Variants in ZDHHC15 observed in about 807,000 individuals in gnomAD.
ZDHHC15 encodes the protein zDHHC palmitoyltransferase 15, also known as palmitoyltransferase ZDHHC15.
Under a neutral mutation model 31.7 loss-of-function variants are expected in ZDHHC15, and 19 were observed. That is an observed-to-expected ratio of 0.60 (90% confidence interval 0.42 to 0.88). The LOEUF (loss-of-function observed/expected upper bound fraction) is 0.88. Among genes scored for constraint, ZDHHC15 ranks in the 40% least tolerant of loss-of-function variants. The pLI is 0.00. For missense variants in ZDHHC15, 209 were observed against 251.2 expected, an observed-to-expected ratio of 0.83 and a Z score of 1.14; for synonymous variants, 103 against 90.0, an observed-to-expected ratio of 1.14 and a Z score of -0.82.
At chrX:75,494,843 T>G (rs1178760645) in intron 2 of ZDHHC15, among the ~76,000 whole-genome samples, 15 of 111,949 alleles carry the variant, frequency 1.3e-4, no homozygotes, top group Non-Finnish European at 2.6e-4. Flanking sequence ...GAAGAAAACC[T>G]AGGCAATACC....
In ZDHHC15 at chrX:75,385,943, C is replaced by A. The variant is rs148719089; in HGVS notation, c.968-6745G>T. ...CTTATCTCCCCAAATAAATAAAATACCCTTGAGCTGAGACAATATATTGTA... is the reference window on the plus strand; with the variant it reads ...CTTATCTCCCCAAATAAATAAAATAACCTTGAGCTGAGACAATATATTGTA... On this transcript the variant is annotated intron_variant, in intron 10 of 11. Transcript: ENST00000373367. Among the ~76,000 whole-genome samples, 14 of 111,813 alleles carry A rather than the reference C, an allele frequency of 1.3e-4. 1 individual carries two copies. The highest frequency in any genetic ancestry group is 1.1e-3 in the Admixed American group (12 of 10,484).
chrX:75,507,839 T>C (rs1448223551), intron 1 of ZDHHC15, among the ~76,000 whole-genome samples: 2 of 111,672 alleles, frequency 1.8e-5, no homozygotes, highest in Admixed American at 9.6e-5. Context: ...TATGGAATAG[T>C]TTTTCATCAC....
chrX:75,394,593 C>T (rs1367463374), intron 10 of ZDHHC15, among the ~76,000 whole-genome samples: 3 of 111,782 alleles, frequency 2.7e-5, no homozygotes, highest in African/African-American at 9.7e-5. Flanking sequence ...AGAGAAAATA[C>T]ATTTTAAGAC....
chrX:75,497,188 T>C (rs1358636379), intron 2 of ZDHHC15, among the ~76,000 whole-genome samples: 2 of 111,438 alleles, frequency 1.8e-5, no homozygotes, highest in Non-Finnish European at 3.8e-5. Flanking sequence ...AAAAGATCAT[T>C]GAAGGCTACT....
intron 1 of ZDHHC15, among the ~76,000 whole-genome samples, chrX:75,517,894 G>T (rs2085384345): frequency 9.1e-6 from 1 of 109,812 alleles, no homozygotes; most frequent in Non-Finnish European, 1.9e-5. Flanking sequence ...TATTTGAGAG[G>T]CTAAGGTGGG....
chrX:75,462,961 CA>C (rs780651176), intron 3 of ZDHHC15, among the ~76,000 whole-genome samples: 12 of 109,939 alleles, frequency 1.1e-4, no homozygotes, highest in Admixed American at 1.9e-4. Context: ...AAAAACTCTT[CA>C]AAAAAAATCA....
At chrX:75,471,029 G>A (rs775379320) in intron 3 of ZDHHC15, among the ~76,000 whole-genome samples, 38 of 112,346 alleles carry the variant, frequency 3.4e-4, no homozygotes, top group Non-Finnish European at 6.6e-4. Flanking sequence ...ATGGATTTTG[G>A]AGAATTACAG....
Position 75,371,900 on chromosome X carries a change from GAAGA to G in ZDHHC15, c.*1074_*1077del, listed in dbSNP as rs2083009026. 1 of 111,919 alleles carries G rather than the reference GAAGA, an allele frequency of 8.9e-6. No individual in the cohort carries two copies. Among genetic ancestry groups the G allele is most frequent in the Admixed American group, 9.5e-5 (1 of 10,503 alleles). 9.2% of individuals were successfully genotyped at this position (111,919 alleles called of 1,213,427 possible). ...TTAGCTACTACTGAAGCTAAAAAAA[GAAGA>G]AAGAACTGGCATATTACTATTTGGT... On this transcript the variant is annotated 3_prime_UTR_variant, in exon 12 of 12. Transcript: ENST00000373367.
chrX:75,392,613 C>A (rs2083257993), intron 10 of ZDHHC15, among the ~76,000 whole-genome samples: 1 of 111,941 alleles, frequency 8.9e-6, no homozygotes, highest in Non-Finnish European at 1.9e-5. Context: ...ATACAACTAT[C>A]CTTTGTACAA....
chrX:75,476,723 C>G (rs1378566363), intron 3 of ZDHHC15, among the ~76,000 whole-genome samples: 2 of 104,006 alleles, frequency 1.9e-5, no homozygotes, highest in African/African-American at 7.0e-5. Flanking sequence ...CCCTTCTCCT[C>G]TCCTCCTCTT....
intron 4 of ZDHHC15, among the ~76,000 whole-genome samples, chrX:75,442,935 G>A (rs1432417214): frequency 4.1e-5 from 4 of 98,657 alleles, no homozygotes; most frequent in Non-Finnish European, 8.0e-5. Flanking sequence ...GCAGTGAGCC[G>A]AGAGCCCGCC....
intron 3 of ZDHHC15, among the ~76,000 whole-genome samples, chrX:75,478,604 C>G (rs1420780464): frequency 9.0e-6 from 1 of 111,371 alleles, no homozygotes; most frequent in Non-Finnish European, 1.9e-5. Context: ...GTCTCAAACT[C>G]CTAGCTTCAA....
intron 11 of ZDHHC15, among the ~76,000 whole-genome samples, chrX:75,377,451 A>G (rs1283484263): frequency 2.8e-5 from 3 of 108,704 alleles, no homozygotes; most frequent in Non-Finnish European, 3.8e-5. Context: ...AGCCGAGATC[A>G]CTCCACTGCA....
chrX:75,486,089 C>T (rs931110770), intron 2 of ZDHHC15, among the ~76,000 whole-genome samples: 1 of 112,189 alleles, frequency 8.9e-6, no homozygotes, highest in African/African-American at 3.2e-5. Context: ...GCTGCAAATG[C>T]CATGAGACAG....
chrX:75,488,737 G>A (rs1032436460), intron 2 of ZDHHC15, among the ~76,000 whole-genome samples: 30 of 111,858 alleles, frequency 2.7e-4, no homozygotes, highest in Non-Finnish European at 3.8e-4. Flanking sequence ...GGGGAGTGTC[G>A]GAAACTGGGT....
chrX:75,503,079 C>T (rs1308173735), intron 2 of ZDHHC15, among the ~76,000 whole-genome samples: 1 of 109,916 alleles, frequency 9.1e-6, no homozygotes, highest in Non-Finnish European at 1.9e-5. Context: ...ACATTGTATG[C>T]CCATATCAAA....
At chrX:75,476,655 CTAATA>C (rs1487665191) in intron 3 of ZDHHC15, among the ~76,000 whole-genome samples, 10 of 106,222 alleles carry the variant, frequency 9.4e-5, no homozygotes, top group Non-Finnish European at 1.6e-4. Context: ...CCCTCCCTTC[CTAATA>C]TAAGTAATTT....
chrX:75,411,855 A>G (rs2083488979), intron 10 of ZDHHC15, among the ~76,000 whole-genome samples: 1 of 112,201 alleles, frequency 8.9e-6, no homozygotes, highest in Non-Finnish European at 1.9e-5. Flanking sequence ...AATGAGACAA[A>G]ATATTTGCAA....
At chrX:75,488,001 C>T (rs1359169727) in intron 2 of ZDHHC15, among the ~76,000 whole-genome samples, 4 of 111,913 alleles carry the variant, frequency 3.6e-5, no homozygotes, top group African/African-American at 1.3e-4. Context: ...AAAAAATGAA[C>T]AAAGCCTTCA....
Sources: gnomAD v4.1 joint callset for allele counts (sites outside exome capture counted in the v4.1 genomes callset) on GRCh38, gnomAD v4.1.1 for gene constraint, MANE v1.5 for transcripts, NCBI Gene and HGNC (gene_info 2026-07-23, HGNC 2026-07-21) for gene names.